NRG3: variants seen among roughly 807,000 people sequenced by gnomAD.
The protein encoded by NRG3 is pro-neuregulin-3, membrane-bound isoform.
Under a neutral mutation model 66.9 loss-of-function variants are expected in NRG3, and 31 were observed. The observed-to-expected ratio is 0.46, with a 90% CI of 0.35 to 0.63. NRG3 has a LOEUF of 0.63. NRG3 is among the 20% of genes least tolerant of loss of function. The pLI is 0.00. For missense variants in NRG3, 910 were observed against 878.9 expected (o/e 1.04, Z -0.45); for synonymous variants, 393 against 359.4 (o/e 1.09, Z -1.06).
At chr10:82,745,784 A>G (rs1456899244) in intron 3 of NRG3, among the ~76,000 whole-genome samples, 1 of 152,174 alleles carries the variant, frequency 6.6e-6, no homozygotes, top group Non-Finnish European at 1.5e-5. Flanking sequence ...GAAAGGAAAA[A>G]TTTCCTATGG....
Position 82,227,387 on chromosome 10 carries a change from C to CATTATT in NRG3, c.824-131336_824-131331dup, listed in dbSNP as rs748620902. ...ACACCCTTGCATTTGACAACTGGCT[C>CATTATT]ATTATTATTATTATTATTATTTTAT... On this transcript the variant is annotated intron_variant, in intron 1 of 8. Transcript: ENST00000372141. Among the ~76,000 whole-genome samples, 16 of 151,742 alleles carry CATTATT rather than the reference C, an allele frequency of 1.1e-4. No individual in the cohort carries two copies. In the East Asian group the frequency reaches 2.9e-3, roughly 28 times the overall value.
At chr10:82,751,229 A>G (rs943026340) in intron 3 of NRG3, among the ~76,000 whole-genome samples, 9 of 152,146 alleles carry the variant, frequency 5.9e-5, no homozygotes, top group African/African-American at 2.2e-4. Flanking sequence ...GGGAATCTTG[A>G]AAAGTCAATC....
intron 1 of NRG3, among the ~76,000 whole-genome samples, chr10:82,063,018 G>A (rs1440821641): frequency 6.6e-6 from 1 of 152,036 alleles, no homozygotes; most frequent in Non-Finnish European, 1.5e-5. Flanking sequence ...TAGTGTTAGG[G>A]TACATAACAG....
intron 1 of NRG3, among the ~76,000 whole-genome samples, chr10:82,309,423 A>G (rs1291719262): frequency 6.6e-6 from 1 of 151,994 alleles, no homozygotes; most frequent in Non-Finnish European, 1.5e-5. Flanking sequence ...TCCTAGTTAC[A>G]TTGAGGGTGA....
At chr10:82,069,890 T>A (rs2133314471) in intron 1 of NRG3, among the ~76,000 whole-genome samples, 1 of 152,236 alleles carries the variant, frequency 6.6e-6, no homozygotes, top group Admixed American at 6.5e-5. Flanking sequence ...CCCTGTGAAG[T>A]GTTGGTGCAG....
intron 3 of NRG3, among the ~76,000 whole-genome samples, chr10:82,835,336 C>T (rs1015813049): frequency 6.6e-5 from 10 of 152,146 alleles, no homozygotes; most frequent in Admixed American, 2.6e-4. Flanking sequence ...GCACACTCCA[C>T]GATGAGATTC....
chr10:82,879,076 A>T (rs185469297), intron 4 of NRG3, among the ~76,000 whole-genome samples: 1 of 152,276 alleles, frequency 6.6e-6, no homozygotes, highest in Admixed American at 6.5e-5. Context: ...TTCCTATTTT[A>T]TTCATATTAA....
At chr10:82,208,519 A>G (rs2075239955) in intron 1 of NRG3, among the ~76,000 whole-genome samples, 1 of 152,148 alleles carries the variant, frequency 6.6e-6, no homozygotes, top group Non-Finnish European at 1.5e-5. Context: ...GTAGATGAGC[A>G]AGCAAAGAAG....
intron 2 of NRG3, among the ~76,000 whole-genome samples, chr10:82,472,694 C>A (rs571094359): frequency 6.6e-6 from 1 of 152,158 alleles, no homozygotes; most frequent in Non-Finnish European, 1.5e-5. Flanking sequence ...GCATGTTTTC[C>A]CCTTTTCTTT....
chr10:82,642,863 G>A (rs1049173779), intron 2 of NRG3, among the ~76,000 whole-genome samples: 2 of 151,862 alleles, frequency 1.3e-5, no homozygotes, highest in Non-Finnish European at 2.9e-5. Context: ...TGAAATAATA[G>A]TGTGTTTATG....
intron 1 of NRG3, among the ~76,000 whole-genome samples, chr10:82,220,423 A>G (rs1439479497): frequency 6.6e-6 from 1 of 152,100 alleles, no homozygotes; most frequent in African/African-American, 2.4e-5. Flanking sequence ...AGAGTGAAAA[A>G]CAGCTTCAGG....
At chr10:82,536,867 T>C (rs1189015267) in intron 2 of NRG3, among the ~76,000 whole-genome samples, 2 of 151,268 alleles carry the variant, frequency 1.3e-5, no homozygotes, top group Non-Finnish European at 1.5e-5. Flanking sequence ...TAAATATTTT[T>C]ATTATTAAAT....
chr10:82,484,116 G>A (rs1842495126), intron 2 of NRG3, among the ~76,000 whole-genome samples: 2 of 152,098 alleles, frequency 1.3e-5, no homozygotes, highest in Admixed American at 1.3e-4. Flanking sequence ...ATTTAAAACA[G>A]GGTCGCATAC....
intron 1 of NRG3, among the ~76,000 whole-genome samples, chr10:82,257,022 C>T (rs1424471637): frequency 6.6e-6 from 1 of 152,126 alleles, no homozygotes; most frequent in Non-Finnish European, 1.5e-5. Flanking sequence ...AGTACTACTT[C>T]TCATGCCATT....
Position 81,876,118 on chromosome 10 carries a change from T to A in NRG3, c.778T>A (p.Ser260Thr), listed in dbSNP as rs765154940. The A allele has an allele frequency of 6.2e-7, 1 of 1,607,572 alleles. No individual in the cohort carries two copies. Among genetic ancestry groups the A allele is most frequent in the East Asian group, 2.2e-5 (1 of 44,618 alleles). Residue 260 changes from serine (S) to threonine (T), a missense_variant, in exon 1 of 9, where the codon TCC (serine) becomes ACC (threonine). By Grantham distance (58) the Ser-to-Thr change is moderately conservative (BLOSUM62 1). Transcript: ENST00000372141. ...AASSSSSSSS[S>T]ATTTTPETST... ...CTCCTCTTCTTCCTCTTCTTCCTCC[T>A]CCGCTACCACCACCACACCAGAAAC...
chr10:82,498,634 A>G (rs1292949734), intron 2 of NRG3, among the ~76,000 whole-genome samples: 1 of 152,162 alleles, frequency 6.6e-6, no homozygotes, highest in Non-Finnish European at 1.5e-5. Context: ...GCTGAGAAGA[A>G]AAGGACATGA....
intron 6 of NRG3, among the ~76,000 whole-genome samples, chr10:82,970,964 C>T (rs917530235): frequency 5.3e-5 from 8 of 152,096 alleles, no homozygotes; most frequent in African/African-American, 1.9e-4. Context: ...GTTCTGTAGG[C>T]TGTACAAGAA....
Position 82,943,211 on chromosome 10 carries a change from T to G in NRG3, c.1055-8258T>G, listed in dbSNP as rs192360046. 2.4e-3 allele frequency among the ~76,000 whole-genome samples: 369 copies of G among 152,354 alleles called. 3 individuals are homozygous for G. The highest frequency in any genetic ancestry group is 8.3e-3 in the African/African-American group (347 of 41,582). On this transcript the variant is annotated intron_variant, in intron 4 of 8. Transcript: ENST00000372141. ...ATTATTCTAGGCACTTTGTTCGTGC[T>G]TATGTGTTTAATCCCTAAACATGCA... is the stretch of plus-strand genomic sequence containing the variant.
intron 1 of NRG3, among the ~76,000 whole-genome samples, chr10:81,974,997 T>C (rs530211613): frequency 6.6e-6 from 1 of 152,160 alleles, no homozygotes; most frequent in South Asian, 2.1e-4. Context: ...CCTAATCTGG[T>C]AAGCCTTCAG....
Sources: gnomAD v4.1 joint callset for allele counts (sites outside exome capture counted in the v4.1 genomes callset) on GRCh38, gnomAD v4.1.1 for gene constraint, MANE v1.5 for transcripts, NCBI Gene and HGNC (gene_info 2026-07-23, HGNC 2026-07-21) for gene names.